VPS50: variants seen among roughly 807,000 people sequenced by gnomAD.
The protein encoded by VPS50 is syndetin.
A neutral mutation model predicts 139.7 loss-of-function variants in VPS50; 70 were observed. The ratio of observed to expected loss-of-function variants is 0.50; its 90% CI spans 0.41 to 0.61. The LOEUF is 0.61. Ranked by LOEUF, VPS50 falls within the 20% of genes least tolerant of loss-of-function variation. The probability of loss-of-function intolerance (pLI) is 0.00; values close to 1 mark genes in which losing one functional copy is unlikely to be tolerated. For synonymous variants in VPS50, 365 were observed against 376.7 expected (o/e 0.97, Z 0.36); for missense variants, 921 against 1,133.7 (o/e 0.81, Z 2.69).
At position 93,327,074 on chromosome 7, in the gene VPS50, T is replaced by A. The variant is rs1316305060; in HGVS notation, c.1977+3342T>A. 2.0e-5 allele frequency among the ~76,000 whole-genome samples: 3 copies of A among 152,216 alleles called. No homozygotes were observed. The East Asian group carries it at 5.8e-4, about 29-fold the overall frequency. On this transcript the variant is annotated intron_variant, in intron 21 of 27. Transcript: ENST00000305866. Reference sequence around the variant, plus strand: ...GACATTGTAGAGTTTTAGCTAATTGTCAGAATGTTTTAGTCTTGTAGGTGA... The same window carrying A: ...GACATTGTAGAGTTTTAGCTAATTGACAGAATGTTTTAGTCTTGTAGGTGA...
chr7:93,269,927 T>C (rs1795954765), intron 9 of VPS50, among the ~76,000 whole-genome samples: 1 of 152,088 alleles, frequency 6.6e-6, no homozygotes, highest in Non-Finnish European at 1.5e-5. Flanking sequence ...TCAAGTTTAT[T>C]ATCAGTAGAT....
chr7:93,252,928 G>T (rs1400640656), intron 3 of VPS50, among the ~76,000 whole-genome samples, 153 bp downstream of exon 3: 2 of 152,126 alleles, frequency 1.3e-5, no homozygotes, highest in African/African-American at 4.8e-5. Flanking sequence ...TGTCAGCATT[G>T]TTTGGCGATG....
intron 24 of VPS50, among the ~76,000 whole-genome samples, chr7:93,349,302 G>A (rs1798492560): frequency 6.6e-6 from 1 of 152,192 alleles, no homozygotes; most frequent in South Asian, 2.1e-4. Flanking sequence ...GTTGGGAGGA[G>A]GTCTGGGGAT....
chr7:93,331,284 A>G (rs1325310442), intron 21 of VPS50, among the ~76,000 whole-genome samples: 2 of 151,936 alleles, frequency 1.3e-5, no homozygotes, highest in Non-Finnish European at 2.9e-5. Context: ...AATTGATACA[A>G]AAAGCAAAAG....
At chr7:93,348,882 G>GT (rs963841208) in intron 24 of VPS50, 75 bp downstream of exon 24, 357 of 1,049,622 alleles carry the variant, frequency 3.4e-4, no homozygotes, top group Admixed American at 1.0e-3. Flanking sequence ...ATTTTTTGTT[G>GT]TTTTTTTTAA....
rs1406453141 is a variant in VPS50 at position 93,258,342 on chromosome 7, T to G, written c.541-15T>G. The G allele has an allele frequency of 6.2e-7, 1 of 1,611,960 alleles. No individual in the cohort carries two copies. The highest frequency in any genetic ancestry group is 8.5e-7 in the Non-Finnish European group (1 of 1,178,534). On this transcript the variant is annotated splice_polypyrimidine_tract_variant and intron_variant, in intron 7 of 27. Coordinates refer to ENST00000305866, the MANE Select transcript of VPS50 (RefSeq NM_017667.4). ...TGGTTGAAACAGATTTTACCTTTGA[T>G]TTTTGTTTTTTCAGCAAAGAACAGA...
chr7:93,257,445 A>G lies in VPS50; in HGVS notation c.403A>G (p.Ile135Val), dbSNP rs769084619. 4 of 1,600,306 alleles carry G rather than the reference A, an allele frequency of 2.5e-6. No individual in the cohort carries two copies. In the East Asian group the frequency reaches 6.7e-5, roughly 27 times the overall value. ...LQTGLQLAAV[I>V]CTNGRRHLNI... is the part of the protein sequence containing the mutation. ...GACAGGTCTTCAATTAGCTGCTGTT[A>G]TCTGTACAAATGGGAGAAGGTATTG... is the stretch of plus-strand genomic sequence containing the variant. The change falls in exon 6 of 28, where the codon ATC becomes GTC. Residue 135 changes from isoleucine (I) to valine (V), a missense_variant. Ile to Val is a conservative substitution (Grantham distance 29). Coordinates refer to ENST00000305866, the MANE Select transcript of VPS50 (RefSeq NM_017667.4).
chr7:93,295,718 CTTTT>C (rs1168193873), intron 14 of VPS50, among the ~76,000 whole-genome samples: 2 of 148,100 alleles, frequency 1.4e-5, no homozygotes, highest in African/African-American at 5.0e-5. Flanking sequence ...TTCTTTCTTT[CTTTT>C]GATTGATTGA....
chr7:93,276,092 G>T, intron 11 of VPS50, 73 bp from the exon 12 acceptor site: 1 of 1,362,860 alleles, frequency 7.3e-7, no homozygotes, highest in South Asian at 1.6e-5. Context: ...GTTTCCCTGG[G>T]TTTTTTCAAT....
intron 21 of VPS50, among the ~76,000 whole-genome samples, chr7:93,331,454 A>G (rs923847803): frequency 6.6e-6 from 1 of 152,110 alleles, no homozygotes; most frequent in Non-Finnish European, 1.5e-5. Context: ...TGGTCAACTG[A>G]TTTTTGAAAA....
chr7:93,243,916 A>G (rs1203248952), intron 2 of VPS50, among the ~76,000 whole-genome samples: 1 of 151,914 alleles, frequency 6.6e-6, no homozygotes, highest in African/African-American at 2.4e-5. Flanking sequence ...GAAAAAGAGT[A>G]TTGATACTAA....
At chr7:93,329,628 T>C (rs781653380) in intron 21 of VPS50, among the ~76,000 whole-genome samples, 1 of 152,084 alleles carries the variant, frequency 6.6e-6, no homozygotes, top group Non-Finnish European at 1.5e-5. Flanking sequence ...AGAGTACCTA[T>C]GATGAAACTT....
chr7:93,351,611 C>T (rs1208415213), intron 25 of VPS50, among the ~76,000 whole-genome samples: 1 of 152,082 alleles, frequency 6.6e-6, no homozygotes, highest in Non-Finnish European at 1.5e-5. Context: ...GTAAAAAAGG[C>T]AAGGCAGCTC....
intron 25 of VPS50, 41 bp downstream of exon 25, chr7:93,350,074 C>G (rs776414354): frequency 9.0e-6 from 13 of 1,440,842 alleles, no homozygotes; most frequent in Non-Finnish European, 1.2e-5. Flanking sequence ...GATCAATCTA[C>G]TAAGAGAAGT....
rs1245438306 is a variant in VPS50 at position 93,265,780 on chromosome 7, T to C, written c.660-5440T>C. The stretch of plus-strand genomic sequence containing the variant: ...TGGGGTTTCATCATGTTAGCCAGGC[T>C]GGTCTCAAACTCCTGACCTCAGATG... On this transcript the variant is annotated intron_variant, in intron 9 of 27. Coordinates refer to ENST00000305866, the MANE Select transcript of VPS50 (RefSeq NM_017667.4). 2.0e-5 allele frequency among the ~76,000 whole-genome samples: 3 copies of C among 152,250 alleles called. No homozygotes were observed. The East Asian group carries it at 5.8e-4, about 29-fold the overall frequency.
intron 22 of VPS50, among the ~76,000 whole-genome samples, chr7:93,335,589 T>C (rs943438976): frequency 6.6e-6 from 1 of 152,186 alleles, no homozygotes; most frequent in African/African-American, 2.4e-5. Context: ...TTTTTTCTTT[T>C]CTTTTTTGTT....
At chr7:93,270,330 T>A (rs115624689) in intron 9 of VPS50, among the ~76,000 whole-genome samples, 2,224 of 152,094 alleles carry the variant, frequency 0.015, 51 homozygotes, top group African/African-American at 0.05. Context: ...TAAGCGCTGT[T>A]CTGGCTTCTG....
At position 93,258,180 on chromosome 7, in the gene VPS50, A is replaced by G. The variant is rs750633322; in HGVS notation, c.444A>G (p.Glu148=). The change falls in exon 7 of 28, where the codon GAA becomes GAG. Residue 148 remains glutamate, a synonymous_variant. Transcript: ENST00000305866. The stretch of plus-strand genomic sequence containing the variant: ...GCAGACACTTGAATATTGCAAAGGA[A>G]GGTTTTACTCAAGCTAGTTTAGGCC... The part of the protein sequence containing the change: ...NGRRHLNIAK[E]GFTQASLGLL... The G allele has an allele frequency of 3.0e-5, 47 of 1,547,972 alleles. No homozygotes were observed. The highest frequency in any genetic ancestry group is 1.5e-4 in the Admixed American group (9 of 59,436).
At chr7:93,236,968 T>TTTC (rs1794823958) in intron 1 of VPS50, among the ~76,000 whole-genome samples, 1 of 127,678 alleles carries the variant, frequency 7.8e-6, no homozygotes, top group African/African-American at 3.2e-5. Context: ...TTTTTTTTTT[T>TTTC]TCGAGACAGT....
Sources: gnomAD v4.1 joint callset for allele counts (sites outside exome capture counted in the v4.1 genomes callset) on GRCh38, gnomAD v4.1.1 for gene constraint, MANE v1.5 for transcripts, NCBI Gene and HGNC (gene_info 2026-07-23, HGNC 2026-07-21) for gene names.